PDE5A: variants seen among roughly 807,000 people sequenced by gnomAD.
The protein encoded by PDE5A is cGMP-specific 3',5'-cyclic phosphodiesterase.
A neutral mutation model predicts 110.2 loss-of-function variants in PDE5A; 67 were observed. The observed-to-expected ratio is 0.61, with a 90% confidence interval of 0.50 to 0.75. The LOEUF (loss-of-function observed/expected upper bound fraction) is 0.75, where lower values mean the gene tolerates loss of function less well. PDE5A is among the 30% of genes least tolerant of loss of function. The pLI is 0.00. For missense variants in PDE5A, 862 were observed against 1,045.1 expected, an observed-to-expected ratio of 0.82 and a Z score of 2.42; for synonymous variants, 328 against 351.2, an observed-to-expected ratio of 0.93 and a Z score of 0.74.
At position 119,607,293 on chromosome 4, in the gene PDE5A, T is replaced by G. The variant is rs781550810; in HGVS notation, c.157A>C (p.Met53Leu). The change falls in exon 2 of 21, where the codon ATG becomes CTG. Residue 53 changes from methionine (M) to leucine (L), a missense_variant. Physicochemically the swap from Met to Leu is conservative, Grantham distance 15. Coordinates refer to ENST00000354960, the MANE Select transcript of PDE5A (RefSeq NM_001083.4). The part of the protein sequence containing the change: ...SYFVRKATRE[M>L]VNAWFAERVH... ...CTCTCAGCAAACCATGCATTGACCA[T>G]TTCTCTGCAGAACAGAACGTGCAGA... is the stretch of plus-strand genomic sequence containing the variant. 6.2e-7 allele frequency: 1 copy of G among 1,605,772 alleles called. No homozygotes were observed. The highest frequency in any genetic ancestry group is 8.5e-7 in the Non-Finnish European group (1 of 1,177,214).
At chr4:119,541,584 AT>A (rs1199791687) in intron 10 of PDE5A, among the ~76,000 whole-genome samples, 1 of 152,082 alleles carries the variant, frequency 6.6e-6, no homozygotes, top group East Asian at 1.9e-4. Context: ...TATATAATAT[AT>A]GTCTCTCTAG....
rs1725490064 is a variant in PDE5A at position 119,504,524 on chromosome 4, T to C, written c.2331+12A>G. 2.5e-6 allele frequency: 4 copies of C among 1,601,710 alleles called. No homozygotes were observed. Among genetic ancestry groups the C allele is most frequent in the Non-Finnish European group, 3.4e-6 (4 of 1,169,922 alleles). On this transcript the variant is annotated intron_variant, in intron 18 of 20. Transcript: ENST00000354960. ...ACTTTTTAATTATTGTTATTGTCACTAAGTAACATACCCGTTGTTGAATAG... is the reference window on the plus strand; with the variant it reads ...ACTTTTTAATTATTGTTATTGTCACCAAGTAACATACCCGTTGTTGAATAG...
intron 4 of PDE5A, among the ~76,000 whole-genome samples, chr4:119,566,769 A>C (rs1174032130): frequency 2.0e-5 from 3 of 152,214 alleles, no homozygotes; most frequent in Non-Finnish European, 2.9e-5. Flanking sequence ...CAGTGATGAA[A>C]GGTAAATGAT....
rs199906496 is a variant in PDE5A, at chr4:119,562,840, T to G, written c.1124A>C (p.Asp375Ala). 1.9e-6 allele frequency: 3 copies of G among 1,572,726 alleles called. No individual in the cohort carries two copies. The highest frequency in any genetic ancestry group is 2.6e-6 in the Non-Finnish European group (3 of 1,165,604). ...GTCATACTCTGTACTCACGGAGCAA[T>G]CTTCATCCACTATGAAAATGGTGCA... ...QKCTIFIVDEDCSDSFSSVFH... is the reference protein window; with the variant it reads ...QKCTIFIVDEACSDSFSSVFH... The change falls in exon 6 of 21, where the codon GAT (aspartate) becomes GCT (alanine). Residue 375 changes from aspartate (D) to alanine (A), a missense_variant. Asp to Ala is a moderately radical substitution (Grantham distance 126). Transcript: ENST00000354960.
intron 10 of PDE5A, among the ~76,000 whole-genome samples, chr4:119,539,927 G>A (rs147734205): frequency 6.6e-6 from 1 of 151,948 alleles, no homozygotes; most frequent in East Asian, 1.9e-4. Flanking sequence ...TGAGATTTTT[G>A]GATTTGGACT....
chr4:119,509,837 G>A (rs1415218234), intron 15 of PDE5A, among the ~76,000 whole-genome samples: 1 of 151,968 alleles, frequency 6.6e-6, no homozygotes, highest in Non-Finnish European at 1.5e-5. Context: ...TCTACCTCAG[G>A]TAAGAGAGAG....
intron 11 of PDE5A, among the ~76,000 whole-genome samples, chr4:119,535,224 A>T (rs1224283202): frequency 6.6e-6 from 1 of 152,070 alleles, no homozygotes; most frequent in Non-Finnish European, 1.5e-5. Flanking sequence ...TTTATTTAGT[A>T]CAGATTTAAT....
At chr4:119,529,656 G>C (rs1014209411) in intron 11 of PDE5A, among the ~76,000 whole-genome samples, 12 of 152,136 alleles carry the variant, frequency 7.9e-5, no homozygotes, top group African/African-American at 2.9e-4. Context: ...CAGCAATTTT[G>C]TTCTAGGACT....
chr4:119,588,336 C>G (rs1312919809), intron 3 of PDE5A, among the ~76,000 whole-genome samples: 1 of 151,516 alleles, frequency 6.6e-6, no homozygotes, highest in East Asian at 1.9e-4. Flanking sequence ...ATGCCACACA[C>G]CCGGCTAATT....
chr4:119,499,644 C>T (rs1219260980), intron 20 of PDE5A: 1 of 152,178 alleles, frequency 6.6e-6, no homozygotes, highest in Non-Finnish European at 1.5e-5. Flanking sequence ...CCTATTCAAG[C>T]AATTCTTCTG....
At chr4:119,505,704 C>T in intron 17 of PDE5A, 151 bp downstream of exon 17, 1 of 541,462 alleles carries the variant, frequency 1.8e-6, no homozygotes, top group Non-Finnish European at 3.3e-6. Context: ...TTCAAATTTA[C>T]TCTTTGTACA....
intron 6 of PDE5A, 148 bp from the exon 7 acceptor site, chr4:119,560,511 C>G (rs1727710924): frequency 2.3e-6 from 1 of 435,122 alleles, no homozygotes; most frequent in Non-Finnish European, 4.1e-6. Flanking sequence ...GACCCAAGTA[C>G]TCATTTTATG....
chr4:119,615,624 A>G (rs1248256061), intron 1 of PDE5A, among the ~76,000 whole-genome samples: 1 of 152,046 alleles, frequency 6.6e-6, no homozygotes, highest in African/African-American at 2.4e-5. Flanking sequence ...TCAAAAAAAA[A>G]AAAAGAAAAA....
intron 8 of PDE5A, among the ~76,000 whole-genome samples, chr4:119,553,199 A>G (rs1010004238): frequency 6.6e-6 from 1 of 152,110 alleles, no homozygotes; most frequent in Admixed American, 6.5e-5. Flanking sequence ...TCAGTGTCTG[A>G]GAACTAGATA....
intron 1 of PDE5A, among the ~76,000 whole-genome samples, chr4:119,609,564 A>T (rs947462689): frequency 6.6e-6 from 1 of 152,170 alleles, no homozygotes; most frequent in African/African-American, 2.4e-5. Context: ...TTAAATATAC[A>T]TTACTCTGAA....
rs149288907 is a variant in PDE5A, at chr4:119,616,807, T to C, written c.153-9510A>G. Among the ~76,000 whole-genome samples, 3 of 152,136 alleles carry C rather than the reference T, an allele frequency of 2.0e-5. No homozygotes were observed. In the East Asian group the frequency reaches 5.8e-4, roughly 29 times the overall value. On this transcript the variant is annotated intron_variant, in intron 1 of 20. Transcript: ENST00000354960. ...GGTGAATGGTTATCAACTTTTACAA[T>C]AGTTTTAACAAAGAGTTTATTTTAT...
intron 7 of PDE5A, among the ~76,000 whole-genome samples, chr4:119,556,046 C>T (rs1156924534): frequency 6.6e-6 from 1 of 152,154 alleles, no homozygotes; most frequent in East Asian, 1.9e-4. Context: ...TAGGAGCTTA[C>T]AATCTAGTAG....
chr4:119,576,402 C>T (rs1450827051), intron 3 of PDE5A, among the ~76,000 whole-genome samples: 8 of 152,126 alleles, frequency 5.3e-5, no homozygotes, highest in Admixed American at 6.6e-5. Context: ...GAGCACCACA[C>T]CACACTTATT....
rs181002645 is a variant in PDE5A at position 119,628,771 on chromosome 4, C to G, written c.-100G>C. 717 of 1,505,196 alleles carry G rather than the reference C, an allele frequency of 4.8e-4. 7 individuals are homozygous for G. In the East Asian group the frequency reaches 0.012, roughly 24 times the overall value. 93.2% of individuals were successfully genotyped at this position (1,505,196 alleles called of 1,614,324 possible). A position where few individuals can be genotyped will look rare whatever the true frequency, so the allele number is the denominator to read the frequency against. On this transcript the variant is annotated 5_prime_UTR_variant, in exon 1 of 21. Coordinates refer to ENST00000354960, the MANE Select transcript of PDE5A (RefSeq NM_001083.4). ...CAGGACTCGGCCTCGAGACCCTCCC[C>G]CTTCGTCCTGCTCCAGTCGGGCCGG...
Sources: gnomAD v4.1 joint callset for allele counts (sites outside exome capture counted in the v4.1 genomes callset) on GRCh38, gnomAD v4.1.1 for gene constraint, MANE v1.5 for transcripts, NCBI Gene and HGNC (gene_info 2026-07-23, HGNC 2026-07-21) for gene names.